Variants in CSGALNACT1 observed in about 807,000 individuals in gnomAD.
CSGALNACT1 encodes the protein chondroitin sulfate N-acetylgalactosaminyltransferase 1, also known as beta4GalNAcT-1.
A neutral mutation model predicts 51.0 loss-of-function variants in CSGALNACT1; 52 were observed. The ratio of observed to expected loss-of-function variants is 1.02; its 90% CI spans 0.82 to 1.29. CSGALNACT1 has a LOEUF of 1.29. Ranked by LOEUF, CSGALNACT1 falls within the 50% of genes most tolerant of loss-of-function variation. The probability of loss-of-function intolerance (pLI) is 0.00; values close to 1 mark genes in which losing one functional copy is unlikely to be tolerated. For missense variants in CSGALNACT1, 935 were observed against 679.2 expected (o/e 1.38, Z -4.19); for synonymous variants, 341 against 254.4 (o/e 1.34, Z -3.24).
chr8:19,484,547 G>C (rs968260797), intron 4 of CSGALNACT1, among the ~76,000 whole-genome samples: 2 of 152,154 alleles, frequency 1.3e-5, no homozygotes, highest in Non-Finnish European at 2.9e-5. Context: ...CATGACAGCA[G>C]GTAAGAGAAA....
chr8:19,751,471 T>C (rs139626291), intron 1 of CSGALNACT1, among the ~76,000 whole-genome samples: 1 of 152,290 alleles, frequency 6.6e-6, no homozygotes, highest in Non-Finnish European at 1.5e-5. Context: ...TTTGCAAACA[T>C]TATTATAAGC....
intron 3 of CSGALNACT1, among the ~76,000 whole-genome samples, chr8:19,555,575 A>G (rs1456413906): frequency 6.6e-6 from 1 of 152,204 alleles, no homozygotes; most frequent in African/African-American, 2.4e-5. Flanking sequence ...ACAAACAAAA[A>G]AACAAGAACT....
intron 2 of CSGALNACT1, among the ~76,000 whole-genome samples, chr8:19,598,125 C>A (rs2049370923): frequency 1.3e-5 from 2 of 152,170 alleles, no homozygotes; most frequent in African/African-American, 4.8e-5. Flanking sequence ...GAAGCACAGG[C>A]TTGGAGGTAG....
At chr8:19,540,251 GCCCCTT>G (rs2084779909) in intron 3 of CSGALNACT1, among the ~76,000 whole-genome samples, 1 of 152,080 alleles carries the variant, frequency 6.6e-6, no homozygotes, top group South Asian at 2.1e-4. Flanking sequence ...AGTTAATTAT[GCCCCTT>G]CTGTCTGCTG....
chr8:19,469,733 C>G (rs1009372676), intron 4 of CSGALNACT1, among the ~76,000 whole-genome samples: 1 of 152,142 alleles, frequency 6.6e-6, no homozygotes, highest in Non-Finnish European at 1.5e-5. Flanking sequence ...GTCTCTGAAG[C>G]CCCCCACCAT....
chr8:19,484,982 C>T (rs569659859), intron 4 of CSGALNACT1, among the ~76,000 whole-genome samples: 1 of 152,080 alleles, frequency 6.6e-6, no homozygotes, highest in Non-Finnish European at 1.5e-5. Flanking sequence ...TCCGAAAAAA[C>T]CAGACCTGCT....
chr8:19,656,976 G>C (rs2058335592), intron 1 of CSGALNACT1, among the ~76,000 whole-genome samples: 1 of 150,522 alleles, frequency 6.6e-6, no homozygotes, highest in Non-Finnish European at 1.5e-5. Flanking sequence ...TGAGGCAGGA[G>C]AATCACCTCC....
At chr8:19,461,715 A>G (rs556009363) in intron 4 of CSGALNACT1, among the ~76,000 whole-genome samples, 2 of 151,600 alleles carry the variant, frequency 1.3e-5, no homozygotes, top group African/African-American at 4.9e-5. Flanking sequence ...CAGCACACAC[A>G]TTCACCATGG....
chr8:19,615,750 A>C (rs2052912804), intron 1 of CSGALNACT1, among the ~76,000 whole-genome samples: 1 of 152,188 alleles, frequency 6.6e-6, no homozygotes, highest in South Asian at 2.1e-4. Context: ...CAAAAACAAG[A>C]AGAGGAGCAA....
intron 4 of CSGALNACT1, among the ~76,000 whole-genome samples, chr8:19,487,422 G>A (rs2073228832): frequency 6.6e-6 from 1 of 152,150 alleles, no homozygotes; most frequent in Non-Finnish European, 1.5e-5. Context: ...GGAGGTTCCA[G>A]GACACGGCCC....
At chr8:19,410,271 A>G (rs2055368476) in intron 8 of CSGALNACT1, among the ~76,000 whole-genome samples, 1 of 152,228 alleles carries the variant, frequency 6.6e-6, no homozygotes, top group Non-Finnish European at 1.5e-5. Flanking sequence ...AGTATCTCCC[A>G]AATGACAAGT....
chr8:19,430,819 G>A (rs990662637), intron 6 of CSGALNACT1, among the ~76,000 whole-genome samples: 4 of 152,094 alleles, frequency 2.6e-5, no homozygotes, highest in Admixed American at 2.0e-4. Flanking sequence ...AATGAACATG[G>A]GATGTCTTTC....
At chr8:19,406,022 G>A in exon 10 of CSGALNACT1, 1 of 1,614,154 alleles carries the variant, frequency 6.2e-7, no homozygotes, top group Non-Finnish European at 8.5e-7. Flanking sequence ...TTGCGATAAA[G>A]GTGCACATCC....
At chr8:19,410,323 A>T (rs1241228990) in intron 8 of CSGALNACT1, among the ~76,000 whole-genome samples, 2 of 152,230 alleles carry the variant, frequency 1.3e-5, no homozygotes, top group Non-Finnish European at 2.9e-5. Flanking sequence ...GTAAGGCGGC[A>T]AAGTCTGGAA....
At chr8:19,457,793 C>T (rs1563500859) in intron 5 of CSGALNACT1, 5 of 1,351,488 alleles carry the variant, frequency 3.7e-6, no homozygotes, top group Non-Finnish European at 4.9e-6. Context: ...TAAAGGCACA[C>T]ATCTAAAAAC....
intron 1 of CSGALNACT1, among the ~76,000 whole-genome samples, chr8:19,639,072 T>C (rs2056440510): frequency 6.6e-6 from 1 of 152,194 alleles, no homozygotes; most frequent in African/African-American, 2.4e-5. Context: ...TTCAGGACTC[T>C]GAAGGGGAAA....
chr8:19,750,479 G>A lies in CSGALNACT1; in HGVS notation c.-297+7371C>T, dbSNP rs190141509. Among the ~76,000 whole-genome samples, 18 of 152,268 alleles carry A rather than the reference G, an allele frequency of 1.2e-4. No individual in the cohort carries two copies. In the East Asian group the frequency reaches 2.7e-3, roughly 23 times the overall value. ...AGGAGACAGATGAGAAGAAGAAAAC[G>A]GACACTGCTATTGGTTGGTACCTAC... On this transcript the variant is annotated intron_variant, in intron 1 of 1. Transcript: ENST00000517494.
At chr8:19,436,740 C>G (rs2060444149) in intron 6 of CSGALNACT1, among the ~76,000 whole-genome samples, 1 of 151,906 alleles carries the variant, frequency 6.6e-6, no homozygotes, top group Admixed American at 6.6e-5. Flanking sequence ...GACACTGGCT[C>G]TACAAAAACT....
At chr8:19,554,325 T>C (rs1408741461) in intron 3 of CSGALNACT1, among the ~76,000 whole-genome samples, 1 of 152,152 alleles carries the variant, frequency 6.6e-6, no homozygotes, top group African/African-American at 2.4e-5. Flanking sequence ...ACTTATCAAA[T>C]CGGTGTTATC....
Sources: gnomAD v4.1 joint callset for allele counts (sites outside exome capture counted in the v4.1 genomes callset) on GRCh38, gnomAD v4.1.1 for gene constraint, MANE v1.5 for transcripts, NCBI Gene and HGNC (gene_info 2026-07-23, HGNC 2026-07-21) for gene names.